The following SBF2 variants were observed in gnomAD, a reference collection of about 807,000 sequenced individuals.
SBF2 encodes SET binding factor 2.
In SBF2, 112 loss-of-function variants were observed where a neutral mutation model predicts 225.2. The ratio of observed to expected loss-of-function variants is 0.50; its 90% CI spans 0.43 to 0.58. SBF2 has a LOEUF of 0.58. Among genes scored for constraint, SBF2 ranks in the 20% least tolerant of loss-of-function variants. The probability of loss-of-function intolerance (pLI) is 0.00; values close to 1 mark genes in which losing one functional copy is unlikely to be tolerated. For synonymous variants in SBF2, 763 were observed against 773.3 expected (o/e 0.99, Z 0.22); for missense variants, 1,996 against 2,206.2 (o/e 0.90, Z 1.91).
intron 16 of SBF2, 43 bp downstream of exon 16, chr11:9,961,914 T>C: frequency 1.3e-6 from 2 of 1,582,258 alleles, no homozygotes; most frequent in East Asian, 2.2e-5. Context: ...AAATGAAAAG[T>C]ATTCTCAAAT....
At chr11:9,829,258 GAACAGTACAAATAACAAAT>G in intron 28 of SBF2, 79 bp downstream of exon 28, 9 of 1,367,666 alleles carry the variant, frequency 6.6e-6, no homozygotes, top group Non-Finnish European at 9.4e-6. Context: ...CTTGGTGAAG[GAACAGTACAAATAACAAAT>G]AACAGTACAA....
chr11:9,908,844 A>G, intron 16 of SBF2, among the ~76,000 whole-genome samples: 1 of 122,056 alleles, frequency 8.2e-6, no homozygotes, highest in East Asian at 2.8e-4. Context: ...GCCACTGCGC[A>G]TGGCTAATTT....
intron 28 of SBF2, among the ~76,000 whole-genome samples, chr11:9,826,190 A>T (rs140261834): frequency 3.9e-5 from 6 of 152,324 alleles, no homozygotes; most frequent in African/African-American, 1.4e-4. Context: ...TAAGAACAAT[A>T]GCACATGTGA....
intron 13 of SBF2, among the ~76,000 whole-genome samples, chr11:9,985,437 CTCAGCTTCCCAAG>C (rs1947158481): frequency 6.6e-6 from 1 of 152,136 alleles, no homozygotes; most frequent in Admixed American, 6.5e-5. Flanking sequence ...ATTTTCCTGC[CTCAGCTTCCCAAG>C]TAGCTGGGAT....
At chr11:9,788,388 A>G (rs1165658902) in intron 35 of SBF2, among the ~76,000 whole-genome samples, 1 of 152,124 alleles carries the variant, frequency 6.6e-6, no homozygotes, top group African/African-American at 2.4e-5. Flanking sequence ...GTTCCGGAAC[A>G]TTCCTTGCAG....
At chr11:9,997,176 AG>A (rs146539620) in intron 9 of SBF2, among the ~76,000 whole-genome samples, 8,013 of 152,274 alleles carry the variant, frequency 0.053, 300 homozygotes, top group Middle Eastern at 0.17. Context: ...TCTATTTAAG[AG>A]GGGAAAAAAT....
intron 16 of SBF2, among the ~76,000 whole-genome samples, chr11:9,922,317 T>G (rs1001338254): frequency 6.6e-6 from 1 of 152,192 alleles, no homozygotes; most frequent in South Asian, 2.1e-4. Context: ...ATATTTTAGC[T>G]GGACTGGAAG....
Position 10,225,338 on chromosome 11 carries a change from A to C in SBF2, c.56-31351T>G, listed in dbSNP as rs561681683. On this transcript the variant is annotated intron_variant, in intron 1 of 39. Transcript: ENST00000256190. ...TTAAAAAAAAAGACACAAGTGGAAC[A>C]TGAAATTATGCCAGATAAATGAAAA... is the stretch of plus-strand genomic sequence containing the variant. Among the ~76,000 whole-genome samples the C allele has an allele frequency of 3.3e-5, 5 of 152,164 alleles. No homozygotes were observed. In the South Asian group the frequency reaches 1.0e-3, roughly 32 times the overall value.
At chr11:10,176,590 G>A (rs1956474673) in intron 2 of SBF2, among the ~76,000 whole-genome samples, 1 of 152,084 alleles carries the variant, frequency 6.6e-6, no homozygotes, top group Non-Finnish European at 1.5e-5. Flanking sequence ...AGAAAATCTA[G>A]AAGAAATGGA....
At chr11:9,910,624 T>C (rs541979294) in intron 16 of SBF2, among the ~76,000 whole-genome samples, 15 of 152,204 alleles carry the variant, frequency 9.9e-5, no homozygotes, top group African/African-American at 2.9e-4. Flanking sequence ...GACAGTGATA[T>C]GGATGATCCT....
intron 2 of SBF2, among the ~76,000 whole-genome samples, chr11:10,124,210 T>A (rs917130685): frequency 2.6e-5 from 4 of 152,238 alleles, no homozygotes; most frequent in African/African-American, 9.6e-5. Context: ...AAGGTGTTTT[T>A]GATCAAGGTA....
intron 1 of SBF2, among the ~76,000 whole-genome samples, chr11:10,221,975 A>G (rs959273415): frequency 7.9e-5 from 12 of 152,260 alleles, no homozygotes; most frequent in African/African-American, 2.7e-4. Flanking sequence ...GAAGAGACCC[A>G]GAAAGGTAGA....
At chr11:9,781,406 T>C in intron 39 of SBF2, 101 bp downstream of exon 39, 1 of 1,507,570 alleles carries the variant, frequency 6.6e-7, no homozygotes, top group Non-Finnish European at 9.2e-7. Flanking sequence ...CTGTCATCCA[T>C]CTGTAGTCAC....
intron 2 of SBF2, among the ~76,000 whole-genome samples, chr11:10,135,257 T>C (rs575110572): frequency 2.0e-5 from 3 of 152,340 alleles, no homozygotes; most frequent in Admixed American, 2.0e-4. Context: ...AGTGGGACCC[T>C]GGGCCTGGCC....
At chr11:10,242,352 C>CATGAGGAT (rs1446072773) in intron 1 of SBF2, among the ~76,000 whole-genome samples, 1 of 151,306 alleles carries the variant, frequency 6.6e-6, no homozygotes, top group Non-Finnish European at 1.5e-5. Flanking sequence ...ATGAGGAAAA[C>CATGAGGAT]ACCCATAGTA....
At chr11:10,194,836 G>A (rs547177365) in intron 1 of SBF2, among the ~76,000 whole-genome samples, 2 of 152,002 alleles carry the variant, frequency 1.3e-5, no homozygotes, top group South Asian at 4.2e-4. Flanking sequence ...TGACTGATAC[G>A]TATGAAAAGC....
chr11:10,142,446 C>T (rs1954689295), intron 2 of SBF2, among the ~76,000 whole-genome samples: 1 of 152,154 alleles, frequency 6.6e-6, no homozygotes, highest in Admixed American at 6.5e-5. Flanking sequence ...TAAGAATAAC[C>T]TTGCTTTTCA....
chr11:9,846,262 C>T (rs560297951), intron 23 of SBF2, among the ~76,000 whole-genome samples: 23 of 152,290 alleles, frequency 1.5e-4, no homozygotes, highest in African/African-American at 4.8e-4. Flanking sequence ...AGCAGCCTTA[C>T]ATTTCACACA....
At chr11:10,082,146 TC>T (rs1951393180) in intron 2 of SBF2, among the ~76,000 whole-genome samples, 1 of 152,084 alleles carries the variant, frequency 6.6e-6, no homozygotes, top group African/African-American at 2.4e-5. Flanking sequence ...ATGGATAAGT[TC>T]CTGGAAACAC....
Sources: gnomAD v4.1 joint callset for allele counts (sites outside exome capture counted in the v4.1 genomes callset) on GRCh38, gnomAD v4.1.1 for gene constraint, MANE v1.5 for transcripts, NCBI Gene and HGNC (gene_info 2026-07-23, HGNC 2026-07-21) for gene names.